Variants in SIM1 observed in about 807,000 individuals in gnomAD.
SIM1 encodes the protein single-minded homolog 1.
In SIM1, 18 loss-of-function variants were observed where a neutral mutation model predicts 78.2. The ratio of observed to expected loss-of-function variants is 0.23; its 90% CI spans 0.16 to 0.34. The LOEUF (loss-of-function observed/expected upper bound fraction) is 0.34, where lower values mean the gene tolerates loss of function less well. Among genes scored for constraint, SIM1 ranks in the 10% least tolerant of loss-of-function variants. The pLI is 1.00. For synonymous variants in SIM1, 417 were observed against 385.2 expected, an observed-to-expected ratio of 1.08 and a Z score of -0.97; for missense variants, 939 against 975.1, an observed-to-expected ratio of 0.96 and a Z score of 0.49.
chr6:100,400,482 A>C (rs766265310), intron 10 of SIM1, among the ~76,000 whole-genome samples: 4 of 152,150 alleles, frequency 2.6e-5, no homozygotes, highest in Non-Finnish European at 5.9e-5. Flanking sequence ...AAAAACTTTT[A>C]AATAATCCTT....
At chr6:100,398,514 A>C (rs955996259) in intron 10 of SIM1, among the ~76,000 whole-genome samples, 5 of 152,142 alleles carry the variant, frequency 3.3e-5, no homozygotes, top group Middle Eastern at 3.2e-3. Context: ...ACCTCACATA[A>C]GTAAATTCAT....
At position 100,431,568 on chromosome 6, in the gene SIM1, C is replaced by T. The variant is rs186655870; in HGVS notation, c.999-10610G>A. Among the ~76,000 whole-genome samples, 304 of 152,288 alleles carry T rather than the reference C, an allele frequency of 2.0e-3. 3 individuals carry two copies. The highest frequency in any genetic ancestry group is 7.1e-3 in the African/African-American group (297 of 41,578). On this transcript the variant is annotated intron_variant, in intron 9 of 11. Coordinates refer to ENST00000369208, the MANE Select transcript of SIM1 (RefSeq NM_005068.3). ...GCCTGGTAGATAAGTTGTGTTTAAA[C>T]AAAATAAGTTCTGAGTATTTGCTAG...
chr6:100,400,802 A>G (rs1770895893), intron 10 of SIM1, among the ~76,000 whole-genome samples: 1 of 152,176 alleles, frequency 6.6e-6, no homozygotes, highest in South Asian at 2.1e-4. Context: ...TAGAGTGCCA[A>G]CTGATGAATA....
At chr6:100,456,378 GA>G (rs1236854543) in intron 2 of SIM1, among the ~76,000 whole-genome samples, 1 of 152,198 alleles carries the variant, frequency 6.6e-6, no homozygotes, top group Non-Finnish European at 1.5e-5. Context: ...ACCTACCGCA[GA>G]AAATTCGCAA....
At position 100,420,891 on chromosome 6, in the gene SIM1, A is replaced by G. The variant is rs767534502; in HGVS notation, c.1066T>C (p.Tyr356His). ...ATGGTGGGGGTGGAGCTGCTGGTATAGGAGAAGGCTGGTTTGGAGGCTGAG... is the reference window on the plus strand; with the variant it reads ...ATGGTGGGGGTGGAGCTGCTGGTATGGGAGAAGGCTGGTTTGGAGGCTGAG... ...QISASKPAFS[Y>H]TSSSTPTMTD... Residue 356 changes from tyrosine (Y) to histidine (H), a missense_variant, in exon 10 of 12, where the codon TAT becomes CAT. Transcript: ENST00000369208. 6.2e-7 allele frequency: 1 copy of G among 1,614,008 alleles called. No individual in the cohort carries two copies. Among genetic ancestry groups the G allele is most frequent in the South Asian group, 1.1e-5 (1 of 91,074 alleles).
intron 3 of SIM1, among the ~76,000 whole-genome samples, chr6:100,452,218 T>C (rs1772529476): frequency 6.6e-6 from 1 of 152,206 alleles, no homozygotes; most frequent in Non-Finnish European, 1.5e-5. Context: ...ACCTTCTCAG[T>C]GCGGCCCTCT....
At chr6:100,454,983 C>T (rs903071511) in intron 2 of SIM1, among the ~76,000 whole-genome samples, 8 of 152,092 alleles carry the variant, frequency 5.3e-5, no homozygotes, top group African/African-American at 1.9e-4. Flanking sequence ...CCCCATCCCA[C>T]CCCTCAGAAA....
chr6:100,444,227 A>C (rs1772294287), intron 9 of SIM1, among the ~76,000 whole-genome samples: 1 of 152,132 alleles, frequency 6.6e-6, no homozygotes, highest in Non-Finnish European at 1.5e-5. Flanking sequence ...GTCTTTACAC[A>C]GTATACTCCA....
chr6:100,436,101 C>G (rs755522771), intron 9 of SIM1, among the ~76,000 whole-genome samples: 5 of 152,176 alleles, frequency 3.3e-5, no homozygotes, highest in Non-Finnish European at 7.3e-5. Context: ...CTAACCACAC[C>G]TGTGAGCTCA....
intron 9 of SIM1, among the ~76,000 whole-genome samples, chr6:100,430,829 A>G (rs1015816932): frequency 5.3e-5 from 8 of 152,182 alleles, no homozygotes; most frequent in Admixed American, 1.3e-4. Context: ...CCTAAACCCT[A>G]AAAGTATCCT....
At chr6:100,413,083 C>G (rs1051289798) in intron 10 of SIM1, among the ~76,000 whole-genome samples, 3 of 152,230 alleles carry the variant, frequency 2.0e-5, no homozygotes, top group Non-Finnish European at 2.9e-5. Context: ...CATACCACCA[C>G]CACCACAGAT....
chr6:100,461,427 G>C (rs915789589), intron 2 of SIM1, among the ~76,000 whole-genome samples: 6 of 152,192 alleles, frequency 3.9e-5, no homozygotes, highest in Non-Finnish European at 5.9e-5. Flanking sequence ...CGGCCGGCTC[G>C]GTGCCCGCCC....
At chr6:100,450,136 C>A (rs1261571591) in intron 4 of SIM1, 131 bp downstream of exon 4, 3 of 747,360 alleles carry the variant, frequency 4.0e-6, no homozygotes, top group East Asian at 2.4e-5. Context: ...ATTTAAGAGT[C>A]TTCCTGCTAG....
intron 2 of SIM1, among the ~76,000 whole-genome samples, chr6:100,460,022 T>C (rs1231242545): frequency 6.6e-6 from 1 of 152,260 alleles, no homozygotes; most frequent in African/African-American, 2.4e-5. Context: ...ATGTCACTAA[T>C]TGGCAGATAT....
chr6:100,422,865 T>C (rs929801486), intron 9 of SIM1, among the ~76,000 whole-genome samples: 5 of 152,292 alleles, frequency 3.3e-5, no homozygotes, highest in South Asian at 4.1e-4. Flanking sequence ...AAGGAGTCTC[T>C]TAAGTGAGTA....
chr6:100,439,885 C>G (rs564717853), intron 9 of SIM1, among the ~76,000 whole-genome samples: 2 of 152,088 alleles, frequency 1.3e-5, no homozygotes, highest in Non-Finnish European at 2.9e-5. Context: ...CCCCTTAGAG[C>G]ATCAAGACTA....
At position 100,390,240 on chromosome 6, in the gene SIM1, A is replaced by G; in HGVS notation, c.*121T>C. 9.2e-7 allele frequency: 1 copy of G among 1,090,222 alleles called. No individual in the cohort carries two copies. The highest frequency in any genetic ancestry group is 1.6e-5 in the South Asian group (1 of 63,868). The allele number at this position is 1,090,222 out of a possible 1,614,324, so 67.5% of individuals were successfully genotyped here. On this transcript the variant is annotated 3_prime_UTR_variant, in exon 12 of 12. Transcript: ENST00000369208. ...TTGATTTTATAGGAACACGTATCAAATACCCAGTAACTTAAGTTATACTCT... is the reference window on the plus strand; with the variant it reads ...TTGATTTTATAGGAACACGTATCAAGTACCCAGTAACTTAAGTTATACTCT...
chr6:100,410,087 G>A (rs1243017871), intron 10 of SIM1, among the ~76,000 whole-genome samples: 1 of 152,124 alleles, frequency 6.6e-6, no homozygotes, highest in African/African-American at 2.4e-5. Flanking sequence ...GTGAAAGAAG[G>A]AAGAATTAAA....
chr6:100,405,770 G>A (rs575028749), intron 10 of SIM1, among the ~76,000 whole-genome samples: 18 of 152,088 alleles, frequency 1.2e-4, no homozygotes, highest in African/African-American at 3.6e-4. Context: ...CCTGGGATTT[G>A]GTTCACTCAT....
Sources: allele counts gnomAD v4.1 joint callset (sites outside exome capture counted in the v4.1 genomes callset), GRCh38; gene constraint gnomAD v4.1.1; transcripts MANE v1.5; gene names NCBI Gene and HGNC (gene_info 2026-07-23, HGNC 2026-07-21).